ABR: variants seen among roughly 807,000 people sequenced by gnomAD.
The protein encoded by ABR is active breakpoint cluster region-related protein.
Under a neutral mutation model 107.2 loss-of-function variants are expected in ABR, and 35 were observed. That is an observed-to-expected ratio of 0.33 (90% CI 0.25 to 0.43). The LOEUF (loss-of-function observed/expected upper bound fraction) is 0.43, where lower values mean the gene tolerates loss of function less well. ABR is among the 20% of genes least tolerant of loss of function. ABR has a pLI of 1.00. For synonymous variants in ABR, 498 were observed against 462.0 expected (o/e 1.08, Z -1.00); for missense variants, 815 against 1,115.2 (o/e 0.73, Z 3.83).
chr17:1,184,222 G>A (rs1480786042), upstream of ABR, among the ~76,000 whole-genome samples: 4 of 151,616 alleles, frequency 2.6e-5, no homozygotes, highest in Non-Finnish European at 4.4e-5. Context: ...CTGGGAGGCC[G>A]AGGTGGGTGG....
chr17:1,034,954 A>G (rs1005198271), intron 16 of ABR, among the ~76,000 whole-genome samples: 2 of 152,054 alleles, frequency 1.3e-5, no homozygotes, highest in Admixed American at 1.3e-4. Flanking sequence ...GTCTAGGTAA[A>G]GCAAGCTCGG....
chr17:1,223,481 C>G lies in ABR; in HGVS notation c.838+5312G>C, dbSNP rs146898142. On this transcript the variant is annotated intron_variant, in intron 1 of 22. Coordinates refer to the ABR transcript ENST00000574139. ...GTGTGCGAAAGCATGGACCTGGAAG[C>G]CAGACTGCCTGGCTTCAAATCCTAA... is the stretch of plus-strand genomic sequence containing the variant. 5.6e-3 allele frequency among the ~76,000 whole-genome samples: 852 copies of G among 152,224 alleles called. 16 individuals carry two copies. Among genetic ancestry groups the G allele is most frequent in the African/African-American group, 0.019 (795 of 41,526 alleles).
chr17:1,045,841 C>T lies in ABR; in HGVS notation c.1791+4209G>A, dbSNP rs576404700. Among the ~76,000 whole-genome samples, 5 of 152,294 alleles carry T rather than the reference C, an allele frequency of 3.3e-5. No homozygotes were observed. In the South Asian group the frequency reaches 6.2e-4, roughly 19 times the overall value. On this transcript the variant is annotated intron_variant, in intron 16 of 22. Coordinates refer to ENST00000302538, the MANE Select transcript of ABR (RefSeq NM_021962.5). ...CCTCCTGGGCTGGGGACCTCACAGACGCATGCTAAGTACCCCTCCTGCTGT... is the reference window on the plus strand; with the variant it reads ...CCTCCTGGGCTGGGGACCTCACAGATGCATGCTAAGTACCCCTCCTGCTGT...
intron 2 of ABR, among the ~76,000 whole-genome samples, chr17:1,113,754 A>C (rs1030376453): frequency 6.6e-6 from 1 of 152,178 alleles, no homozygotes; most frequent in Non-Finnish European, 1.5e-5. Flanking sequence ...TACATCACTA[A>C]CAATTCTAAC....
intron 2 of ABR, among the ~76,000 whole-genome samples, chr17:1,111,112 C>T (rs2038650655): frequency 6.6e-6 from 1 of 152,148 alleles, no homozygotes; most frequent in African/African-American, 2.4e-5. Context: ...GCAGGTGACA[C>T]GAAGAAGGGC....
At chr17:1,190,225 A>G (rs1221819842), upstream of ABR, among the ~76,000 whole-genome samples, 1 of 152,196 alleles carries the variant, frequency 6.6e-6, no homozygotes, top group Non-Finnish European at 1.5e-5. Flanking sequence ...TTTCTATCCA[A>G]TCAGGCTCCA....
At position 1,117,183 on chromosome 17, in the gene ABR, G is replaced by T. The variant is rs1201408935; in HGVS notation, c.246+8000C>A. 8.4e-4 allele frequency among the ~76,000 whole-genome samples: 32 copies of T among 38,094 alleles called. 6 individuals carry two copies. Among genetic ancestry groups the T allele is most frequent in the East Asian group, 3.7e-3 (5 of 1,336 alleles). 25.0% of individuals were successfully genotyped at this position (38,094 alleles called of 152,430 possible). The stretch of plus-strand genomic sequence containing the variant: ...TCCCTGAGCCTGAGTTCCTCCCAGC[G>T]TTATCCCTGAGCCTGAGTTCCTCCC... On this transcript the variant is annotated intron_variant, in intron 2 of 22. Transcript: ENST00000302538.
At chr17:1,188,821 G>A (rs2042370741), upstream of ABR, among the ~76,000 whole-genome samples, 1 of 152,280 alleles carries the variant, frequency 6.6e-6, no homozygotes, top group South Asian at 2.1e-4. Flanking sequence ...GTGGATGGAG[G>A]GGGCAGTCTG....
chr17:1,112,815 A>G (rs1424098572), intron 2 of ABR, among the ~76,000 whole-genome samples: 1 of 152,108 alleles, frequency 6.6e-6, no homozygotes, highest in African/African-American at 2.4e-5. Flanking sequence ...TCAGTCTCCA[A>G]TGGTTGACTC....
chr17:1,223,717 A>C (rs979542367), intron 1 of ABR, among the ~76,000 whole-genome samples: 3 of 152,158 alleles, frequency 2.0e-5, no homozygotes, highest in African/African-American at 7.2e-5. Flanking sequence ...GGAAACTTAC[A>C]ATCACCGCGG....
Position 1,070,108 on chromosome 17 carries a change from C to G in ABR, c.895-18G>C, listed in dbSNP as rs1439191675. ...TGTCGCGTCTGAGGGAGATGGCAGACCCCCCAGCCTGCTCAGAGGGGAATG... is the reference window on the plus strand; with the variant it reads ...TGTCGCGTCTGAGGGAGATGGCAGAGCCCCCAGCCTGCTCAGAGGGGAATG... On this transcript the variant is annotated intron_variant, in intron 8 of 22. Transcript: ENST00000302538. This position sits in a 1 kb window ranked among gnomAD's most constrained non-coding sequence, Gnocchi z 4.2. 1 of 1,612,086 alleles carries G rather than the reference C, an allele frequency of 6.2e-7. No homozygotes were observed. The highest frequency in any genetic ancestry group is 8.5e-7 in the Non-Finnish European group (1 of 1,179,178).
chr17:1,223,716 CA>C (rs1263836170), intron 1 of ABR, among the ~76,000 whole-genome samples: 1 of 152,156 alleles, frequency 6.6e-6, no homozygotes, highest in African/African-American at 2.4e-5. Flanking sequence ...AGGAAACTTA[CA>C]ATCACCGCGG....
intron 1 of ABR, among the ~76,000 whole-genome samples, chr17:1,195,853 G>C (rs1440856703): frequency 2.0e-5 from 3 of 148,434 alleles, no homozygotes; most frequent in Non-Finnish European, 4.4e-5. Flanking sequence ...TGTAATCCCA[G>C]AACTTTGGGA....
rs763554692 is a variant in ABR, at chr17:1,079,399, G to A, written c.640-9C>T. 8.1e-6 allele frequency: 13 copies of A among 1,612,036 alleles called. No individual in the cohort carries two copies. The South Asian group carries it at 8.8e-5, about 11-fold the overall frequency. On this transcript the variant is annotated splice_polypyrimidine_tract_variant and intron_variant, in intron 5 of 22. Transcript: ENST00000302538. ...CCTTTCACTTTGAGTTCCTGCCAAA[G>A]GGAGGAGAGGAGTCATGGCCTGTTC...
In ABR at chr17:1,011,033, C is replaced by G; in HGVS notation, c.2102-170G>C. The G allele has an allele frequency of 1.2e-6, 1 of 838,122 alleles. No individual in the cohort carries two copies. Among genetic ancestry groups the G allele is most frequent in the Non-Finnish European group, 1.8e-6 (1 of 544,936 alleles). The allele number at this position is 838,122 out of a possible 1,614,324, so 51.9% of individuals were successfully genotyped here. A position where few individuals can be genotyped will look rare whatever the true frequency, so the allele number is the denominator to read the frequency against. The stretch of plus-strand genomic sequence containing the variant: ...GTGTCTGTGACTCGGCTCTGTGGGT[C>G]GGGGTTGGGGGAACAGGGAGAGATA... On this transcript the variant is annotated intron_variant, in intron 19 of 22. Transcript: ENST00000302538. The surrounding 1 kb of genome is among the most constrained non-coding windows in gnomAD (Gnocchi z 4.8).
At chr17:1,086,791 A>G (rs116994770) in intron 4 of ABR, among the ~76,000 whole-genome samples, 18,517 of 152,180 alleles carry the variant, frequency 0.12, 1,494 homozygotes, top group African/African-American at 0.23. Flanking sequence ...GTGAGCCACC[A>G]CGCCTGGCTT....
chr17:1,113,727 C>T (rs1292321189), intron 2 of ABR, among the ~76,000 whole-genome samples: 1 of 152,188 alleles, frequency 6.6e-6, no homozygotes, highest in Non-Finnish European at 1.5e-5. Flanking sequence ...TCTATTTTAA[C>T]TTCTTTATTT....
intron 1 of ABR, among the ~76,000 whole-genome samples, chr17:1,167,162 G>A (rs2041544181): frequency 1.5e-5 from 2 of 137,352 alleles, no homozygotes; most frequent in Admixed American, 7.0e-5. Context: ...CTCTGGCTGG[G>A]CGGAGAGAGA....
chr17:1,162,856 G>C (rs376275931), intron 1 of ABR, among the ~76,000 whole-genome samples: 96 of 152,238 alleles, frequency 6.3e-4, no homozygotes, highest in African/African-American at 2.1e-3. Context: ...GGTGGATCAC[G>C]AGGTCAGGAG....
Sources: gnomAD v4.1 joint callset for allele counts (sites outside exome capture counted in the v4.1 genomes callset) on GRCh38, gnomAD v4.1.1 for gene constraint, Gnocchi (gnomAD v3.1) non-coding constraint, MANE v1.5 for transcripts, NCBI Gene and HGNC (gene_info 2026-07-23, HGNC 2026-07-21) for gene names.